The following RBM5 variants were observed in gnomAD, a reference collection of about 807,000 sequenced individuals.
RBM5 encodes RNA binding motif protein 5.
In RBM5, 15 loss-of-function variants were observed where a neutral mutation model predicts 124.6. The ratio of observed to expected loss-of-function variants is 0.12; its 90% CI spans 0.08 to 0.19. The LOEUF is 0.19. RBM5 is among the 10% of genes least tolerant of loss of function. The probability of loss-of-function intolerance (pLI) is 1.00; values close to 1 mark genes in which losing one functional copy is unlikely to be tolerated. For synonymous variants in RBM5, 337 were observed against 361.2 expected (o/e 0.93, Z 0.76); for missense variants, 580 against 1,026.5 (o/e 0.57, Z 5.94).
chr3:50,105,880 A>C (rs764227019), intron 10 of RBM5, among the ~76,000 whole-genome samples, 171 bp downstream of exon 10: 6 of 152,146 alleles, frequency 3.9e-5, no homozygotes, highest in African/African-American at 7.2e-5. Context: ...TAAGTAGTAA[A>C]AATAATGTGT....
intron 22 of RBM5, 168 bp from the exon 23 acceptor site, chr3:50,116,906 T>G: frequency 3.2e-6 from 2 of 616,238 alleles, no homozygotes; most frequent in Non-Finnish European, 5.7e-6. Flanking sequence ...ATTTCAGATA[T>G]GACTAGGTAT....
At position 50,109,660 on chromosome 3, in the gene RBM5, A is replaced by G. The variant is rs1411143085; in HGVS notation, c.1250A>G (p.Asn417Ser). ...GTGTCCCAGAGTCCTCAGCTGTATAATCAAACCTCCAATCCACCTGGCTCT... is the reference window on the plus strand; with the variant it reads ...GTGTCCCAGAGTCCTCAGCTGTATAGTCAAACCTCCAATCCACCTGGCTCT... ...AVVSQSPQLYNQTSNPPGSPT... is the reference protein window; with the variant it reads ...AVVSQSPQLYSQTSNPPGSPT... The change falls in exon 15 of 25, where the codon AAT becomes AGT. Residue 417 changes from asparagine (N) to serine (S), a missense_variant. By Grantham distance (46) the Asn-to-Ser change is conservative. Transcript: ENST00000347869. The G allele has an allele frequency of 6.2e-7, 1 of 1,613,968 alleles. No homozygotes were observed. The highest frequency in any genetic ancestry group is 8.5e-7 in the Non-Finnish European group (1 of 1,179,864).
intron 3 of RBM5, 22 bp downstream of exon 3, chr3:50,092,230 A>T (rs760780600): frequency 6.2e-7 from 1 of 1,606,290 alleles, no homozygotes; most frequent in Non-Finnish European, 8.5e-7. Context: ...GCGGCTGTAT[A>T]ACCCCCCAAA....
At chr3:50,111,183 A>G (rs1348203577) in intron 17 of RBM5, among the ~76,000 whole-genome samples, 1 of 152,228 alleles carries the variant, frequency 6.6e-6, no homozygotes, top group African/African-American at 2.4e-5. Context: ...CAATTTATGG[A>G]AAGACCTAGC....
At chr3:50,104,520 G>A (rs1445055796) in intron 8 of RBM5, 2 of 528,554 alleles carry the variant, frequency 3.8e-6, no homozygotes, top group Non-Finnish European at 6.8e-6. Context: ...GCACACACCT[G>A]TAGTCCTAGC....
Position 50,118,566 on chromosome 3 carries a change from T to C in RBM5, c.*110T>C. 7.0e-7 allele frequency: 1 copy of C among 1,427,480 alleles called. No homozygotes were observed. Among genetic ancestry groups the C allele is most frequent in the African/African-American group, 1.4e-5 (1 of 71,014 alleles). The allele number at this position is 1,427,480 out of a possible 1,614,324, so 88.4% of individuals were successfully genotyped here. A position where few individuals can be genotyped will look rare whatever the true frequency, so the allele number is the denominator to read the frequency against. On this transcript the variant is annotated 3_prime_UTR_variant, in exon 25 of 25. Coordinates refer to ENST00000347869, the MANE Select transcript of RBM5 (RefSeq NM_005778.4). ...CATGCCTTGTGCTGTTAATAGATCT[T>C]AGGGTGAACCACTTCATTCTGCAGG... is the stretch of plus-strand genomic sequence containing the variant.
intron 9 of RBM5, among the ~76,000 whole-genome samples, 177 bp from the exon 10 acceptor site, chr3:50,105,372 A>G (rs1391228640): frequency 6.6e-6 from 1 of 152,164 alleles, no homozygotes; most frequent in Non-Finnish European, 1.5e-5. Context: ...AAGGAGCAGC[A>G]GCAGCTTCGG....
intron 20 of RBM5, chr3:50,115,114 GCTGAGA>G (rs2091220929): frequency 4.0e-6 from 1 of 249,650 alleles, no homozygotes; most frequent in Non-Finnish European, 7.7e-6. Context: ...GTTGCAGTGA[GCTGAGA>G]TTACGCCACT....
Position 50,100,795 on chromosome 3 carries a change from CT to C in RBM5, c.483+193del. The C allele has an allele frequency of 2.2e-6, 1 of 460,490 alleles. No homozygotes were observed. The highest frequency in any genetic ancestry group is 3.8e-6 in the Non-Finnish European group (1 of 260,842). 28.5% of individuals were successfully genotyped at this position (460,490 alleles called of 1,614,324 possible). On this transcript the variant is annotated intron_variant, in intron 6 of 24. Transcript: ENST00000347869. This position sits in a 1 kb window ranked among gnomAD's most constrained non-coding sequence, Gnocchi z 5.1. ...GACTTCATTATAGAATTTGTTCTGC[CT>C]TTAAACATGGCTACCTACCTGGCAG...
At chr3:50,089,694 C>G (rs1407100035) in intron 1 of RBM5, among the ~76,000 whole-genome samples, 2 of 152,064 alleles carry the variant, frequency 1.3e-5, no homozygotes, top group Admixed American at 1.3e-4. Context: ...ACTACTGGAA[C>G]TGATTTTTCG....
Position 50,100,334 on chromosome 3 carries a change from T to TGGAGTGGCATTTAGTTCAGGC in RBM5, c.410-195_410-175dup. ...TGGTTACTTTAAGCGTGGAATCAAA[T>TGGAGTGGCATTTAGTTCAGGC]GGAGTGGCATTTAGTTCAGGCGGCT... On this transcript the variant is annotated intron_variant, in intron 5 of 24. Coordinates refer to ENST00000347869, the MANE Select transcript of RBM5 (RefSeq NM_005778.4). This position sits in a 1 kb window ranked among gnomAD's most constrained non-coding sequence, Gnocchi z 5.1. The TGGAGTGGCATTTAGTTCAGGC allele has an allele frequency of 1.8e-6, 1 of 562,390 alleles. No homozygotes were observed. The highest frequency in any genetic ancestry group is 3.1e-6 in the Non-Finnish European group (1 of 319,494). The allele number at this position is 562,390 out of a possible 1,614,324, so 34.8% of individuals were successfully genotyped here.
At chr3:50,115,306 T>G in intron 20 of RBM5, 122 bp from the exon 21 acceptor site, 1 of 1,158,888 alleles carries the variant, frequency 8.6e-7, no homozygotes, top group South Asian at 1.4e-5. Context: ...ATTACTAAAG[T>G]GTGACATGCA....
rs2091277551 is a variant in RBM5, at chr3:50,117,528, C to T, written c.2322+149C>T. Reference sequence around the variant, plus strand: ...ACAGGCATGAGCTCACACCTGTAATCCCAGCACTTTGGGAGGCCGAGGAGG... The same window carrying T: ...ACAGGCATGAGCTCACACCTGTAATTCCAGCACTTTGGGAGGCCGAGGAGG... On this transcript the variant is annotated intron_variant, in intron 24 of 24. Transcript: ENST00000347869. This position sits in a 1 kb window ranked among gnomAD's most constrained non-coding sequence, Gnocchi z 4.2. 8.7e-7 allele frequency: 1 copy of T among 1,153,754 alleles called. No homozygotes were observed. Among genetic ancestry groups the T allele is most frequent in the African/African-American group, 1.5e-5 (1 of 64,602 alleles). 71.5% of individuals were successfully genotyped at this position (1,153,754 alleles called of 1,614,324 possible).
intron 1 of RBM5, among the ~76,000 whole-genome samples, chr3:50,089,449 G>A (rs1201161638): frequency 6.6e-6 from 1 of 152,220 alleles, no homozygotes; most frequent in East Asian, 1.9e-4. Context: ...GAACCTCTTG[G>A]GAGGCGGGAG....
At position 50,117,608 on chromosome 3, in the gene RBM5, C is replaced by T. The variant is rs1290179693; in HGVS notation, c.2322+229C>T. On this transcript the variant is annotated intron_variant, in intron 24 of 24. Coordinates refer to ENST00000347869, the MANE Select transcript of RBM5 (RefSeq NM_005778.4). The surrounding 1 kb of genome is among the most constrained non-coding windows in gnomAD (Gnocchi z 4.2). ...CCAGCCTGGGCAACACGGTGAAACC[C>T]CGTCTCTACTAAAATACAAAATATT... The T allele has an allele frequency of 4.3e-6, 2 of 462,018 alleles. No homozygotes were observed. Among genetic ancestry groups the T allele is most frequent in the Non-Finnish European group, 7.7e-6 (2 of 258,558 alleles). The allele number at this position is 462,018 out of a possible 1,614,324, so 28.6% of individuals were successfully genotyped here. A position where few individuals can be genotyped will look rare whatever the true frequency, so the allele number is the denominator to read the frequency against.
Position 50,100,661 on chromosome 3 carries a change from T to C in RBM5, c.483+56T>C. On this transcript the variant is annotated intron_variant, in intron 6 of 24. Coordinates refer to ENST00000347869, the MANE Select transcript of RBM5 (RefSeq NM_005778.4). The surrounding 1 kb of genome is among the most constrained non-coding windows in gnomAD (Gnocchi z 5.1). Reference sequence around the variant, plus strand: ...TGAAAATGGAACAAGTCTGTACAATTTTAAAAAAAGGTTGAAGGAGTGGTT... The same window carrying C: ...TGAAAATGGAACAAGTCTGTACAATCTTAAAAAAAGGTTGAAGGAGTGGTT... 1 of 1,455,894 alleles carries C rather than the reference T, an allele frequency of 6.9e-7. No homozygotes were observed. Among genetic ancestry groups the C allele is most frequent in the South Asian group, 1.2e-5 (1 of 84,720 alleles). 90.2% of individuals were successfully genotyped at this position (1,455,894 alleles called of 1,614,324 possible).
In RBM5 at chr3:50,109,604, C is replaced by T. The variant is rs1362264782; in HGVS notation, c.1194C>T (p.Gly398=). The change falls in exon 15 of 25, where the codon GGC becomes GGT. Residue 398 remains glycine, a splice_region_variant and synonymous_variant. Coordinates refer to ENST00000347869, the MANE Select transcript of RBM5 (RefSeq NM_005778.4). ...GLESDASSAS[G]TAVTTTSAAV... ...CCTAACACTTGTGTTTATCATCAGG[C>T]ACAGCAGTGACCACCACCTCAGCGG... is the stretch of plus-strand genomic sequence containing the variant. The T allele has an allele frequency of 1.2e-6, 2 of 1,613,614 alleles. No homozygotes were observed. Among genetic ancestry groups the T allele is most frequent in the South Asian group, 1.1e-5 (1 of 91,082 alleles).
At chr3:50,106,631 T>A (rs2091038191) in intron 10 of RBM5, 136 bp from the exon 11 acceptor site, 1 of 639,864 alleles carries the variant, frequency 1.6e-6, no homozygotes, top group African/African-American at 1.8e-5. Flanking sequence ...TTTCTTGAGG[T>A]TTCATATCTG....
intron 1 of RBM5, chr3:50,090,140 T>C (rs2090678849): frequency 3.3e-6 from 1 of 305,400 alleles, no homozygotes; most frequent in African/African-American, 2.2e-5. Context: ...ATTATGATTC[T>C]GTTAAATCTG....
Sources: allele counts gnomAD v4.1 joint callset (sites outside exome capture counted in the v4.1 genomes callset), GRCh38; gene constraint gnomAD v4.1.1; non-coding constraint Gnocchi (gnomAD v3.1); transcripts MANE v1.5; gene names NCBI Gene and HGNC (gene_info 2026-07-23, HGNC 2026-07-21).